Variants in PDPR observed in about 807,000 individuals in gnomAD.
PDPR encodes pyruvate dehydrogenase phosphatase regulatory subunit, mitochondrial.
In PDPR, 50 loss-of-function variants were observed where a neutral mutation model predicts 102.2. That is an observed-to-expected ratio of 0.49 (90% CI 0.39 to 0.62). The LOEUF (loss-of-function observed/expected upper bound fraction) is 0.62, where lower values mean the gene tolerates loss of function less well. PDPR is among the 20% of genes least tolerant of loss of function. The probability of loss-of-function intolerance (pLI) is 0.00; values close to 1 mark genes in which losing one functional copy is unlikely to be tolerated. For synonymous variants in PDPR, 259 were observed against 406.0 expected, an observed-to-expected ratio of 0.64 and a Z score of 4.35; for missense variants, 625 against 1,098.2, an observed-to-expected ratio of 0.57 and a Z score of 6.09.
chr16:70,156,608 A>G lies in PDPR; in HGVS notation c.2369A>G (p.Tyr790Cys), dbSNP rs1012324763. The stretch of plus-strand genomic sequence containing the variant: ...TGGCCTTGGTGGGGAGAGCCCATTT[A>G]CCGGAATGGGCAGTATGTTGGCAAG... ...DLWPWWGEPI[Y>C]RNGQYVGKTT... is the part of the protein sequence containing the mutation. Residue 790 changes from tyrosine to cysteine, a missense_variant, in exon 19 of 19, where the codon TAC (tyrosine) becomes TGC (cysteine). Physicochemically the swap from Tyr to Cys is radical, Grantham distance 194. Coordinates refer to ENST00000288050, the MANE Select transcript of PDPR (RefSeq NM_017990.5). 22 of 1,613,960 alleles carry G rather than the reference A, an allele frequency of 1.4e-5. No homozygotes were observed. The highest frequency in any genetic ancestry group is 1.8e-5 in the Non-Finnish European group (21 of 1,179,906).
chr16:70,133,111 C>CTTTTT (rs140652740), intron 9 of PDPR, among the ~76,000 whole-genome samples: 21,489 of 96,870 alleles, frequency 0.22, 1,222 homozygotes, highest in East Asian at 0.34. Context: ...TACCCAGCTG[C>CTTTTT]TTTTTTTTTT....
Position 70,146,229 on chromosome 16 carries a change from G to A in PDPR, c.1962+1G>A. 1 of 1,613,862 alleles carries A rather than the reference G, an allele frequency of 6.2e-7. No homozygotes were observed. ...CCACTTCCCAAGCCTCTTTTGCAAG[G>A]TAAGTGCTGATAAAGTTCTGTTTCT... On this transcript the variant is annotated splice_donor_variant, in intron 16 of 18. Coordinates refer to ENST00000288050, the MANE Select transcript of PDPR (RefSeq NM_017990.5). LOFTEE classifies it high-confidence loss of function.
intron 2 of PDPR, among the ~76,000 whole-genome samples, chr16:70,115,999 TCTTTTC>T: frequency 6.6e-6 from 1 of 151,450 alleles, no homozygotes; most frequent in African/African-American, 2.4e-5. Flanking sequence ...CTTAAGCCCT[TCTTTTC>T]CTCTGCCCTC....
rs542701190 is a variant in PDPR, at chr16:70,144,699, G to A, written c.1867+166G>A. Among the ~76,000 whole-genome samples, 11 of 152,398 alleles carry A rather than the reference G, an allele frequency of 7.2e-5. No homozygotes were observed. In the East Asian group the frequency reaches 1.7e-3, roughly 24 times the overall value. On this transcript the variant is annotated intron_variant, in intron 15 of 18. Coordinates refer to ENST00000288050, the MANE Select transcript of PDPR (RefSeq NM_017990.5). ...CTAGGGGATGCGGTGGCTGACACCT[G>A]TAATCCCAGCACTTTTGGAGGCCGA...
chr16:70,143,860 T>C (rs1455078784), intron 14 of PDPR, among the ~76,000 whole-genome samples: 1 of 151,644 alleles, frequency 6.6e-6, no homozygotes, highest in East Asian at 1.9e-4. Flanking sequence ...CACCAGATTA[T>C]GTACCCTACT....
rs965540048 is a variant in PDPR at position 70,157,383 on chromosome 16, C to G, written c.*504C>G. On this transcript the variant is annotated 3_prime_UTR_variant, in exon 19 of 19. Transcript: ENST00000288050. Reference sequence around the variant, plus strand: ...CAGCCCGGCAGCTCGTTCTCCTGTTCTGCTGTGCTGTGGGCTGGCACTCGA... The same window carrying G: ...CAGCCCGGCAGCTCGTTCTCCTGTTGTGCTGTGCTGTGGGCTGGCACTCGA... 8.2e-6 allele frequency: 3 copies of G among 366,808 alleles called. No homozygotes were observed. Among genetic ancestry groups the G allele is most frequent in the Non-Finnish European group, 1.1e-5 (2 of 187,420 alleles). 22.7% of individuals were successfully genotyped at this position (366,808 alleles called of 1,614,324 possible). A position where few individuals can be genotyped will look rare whatever the true frequency, so the allele number is the denominator to read the frequency against.
At chr16:70,142,736 T>A (rs1207046284) in intron 13 of PDPR, 50 bp downstream of exon 13, 2 of 1,610,916 alleles carry the variant, frequency 1.2e-6, no homozygotes, top group South Asian at 2.2e-5. Flanking sequence ...TTTACATATT[T>A]ATTGAATGCC....
intron 10 of PDPR, among the ~76,000 whole-genome samples, chr16:70,136,604 C>T (rs1245974020): frequency 6.6e-6 from 1 of 152,170 alleles, no homozygotes; most frequent in Non-Finnish European, 1.5e-5. Flanking sequence ...TTTTGCAACT[C>T]ATCTTTTGGA....
chr16:70,132,647 CT>C (rs1285654059), intron 9 of PDPR, among the ~76,000 whole-genome samples: 20 of 131,202 alleles, frequency 1.5e-4, no homozygotes, highest in Admixed American at 8.3e-4. Context: ...GGTCTCATAG[CT>C]TTTTTTTTTT....
At chr16:70,163,067 G>C (rs1248037757), downstream of PDPR, among the ~76,000 whole-genome samples, 1 of 152,266 alleles carries the variant, frequency 6.6e-6, no homozygotes, top group Admixed American at 6.5e-5. Context: ...TCCTGCCTTA[G>C]CCTCCAGAGT....
chr16:70,125,575 G>GTGTA (rs1963873527), intron 3 of PDPR, among the ~76,000 whole-genome samples: 1 of 136,102 alleles, frequency 7.3e-6, no homozygotes, highest in Admixed American at 7.8e-5. Context: ...AAAAAAAAAA[G>GTGTA]TATATATATA....
rs1159634162 is a variant in PDPR, at chr16:70,114,363, A to G, written c.-220A>G. ...GAACCCCGCTTTCCGGCCCGCGGCG[A>G]CCCCAGGCAACTGTTGTGGCTGCCG... On this transcript the variant is annotated 5_prime_UTR_variant, in exon 1 of 19. Transcript: ENST00000288050. 2.0e-5 allele frequency: 3 copies of G among 151,762 alleles called. No individual in the cohort carries two copies. Among genetic ancestry groups the G allele is most frequent in the Non-Finnish European group, 2.9e-5 (2 of 67,986 alleles). The allele number at this position is 151,762 out of a possible 1,614,324, so 9.4% of individuals were successfully genotyped here.
chr16:70,154,987 T>A (rs1453901646), intron 18 of PDPR, among the ~76,000 whole-genome samples: 1 of 152,162 alleles, frequency 6.6e-6, no homozygotes, highest in Non-Finnish European at 1.5e-5. Flanking sequence ...AGTTCACAAG[T>A]TCGAGACCAG....
intron 15 of PDPR, among the ~76,000 whole-genome samples, chr16:70,144,835 A>G (rs928468557): frequency 1.3e-5 from 2 of 152,142 alleles, no homozygotes; most frequent in African/African-American, 4.8e-5. Flanking sequence ...CACACCTGTA[A>G]TCCCAGCTAC....
chr16:70,134,737 G>A (rs1964922800), intron 9 of PDPR, among the ~76,000 whole-genome samples: 1 of 150,086 alleles, frequency 6.7e-6, no homozygotes, highest in Non-Finnish European at 1.5e-5. Flanking sequence ...AGTGGGCTGA[G>A]ATCGCACCAC....
intron 3 of PDPR, among the ~76,000 whole-genome samples, chr16:70,126,504 C>T (rs1281914768): frequency 1.3e-5 from 2 of 152,248 alleles, no homozygotes; most frequent in Admixed American, 6.5e-5. Context: ...GCTGGGACTA[C>T]AGGCGCCTGC....
At chr16:70,142,921 A>C (rs1965879026) in intron 13 of PDPR, among the ~76,000 whole-genome samples, 1 of 152,162 alleles carries the variant, frequency 6.6e-6, no homozygotes, top group African/African-American at 2.4e-5. Context: ...TAAGGCCAGG[A>C]GTGGTGGCTC....
chr16:70,129,752 G>A (rs1964348186), intron 6 of PDPR, among the ~76,000 whole-genome samples: 1 of 152,276 alleles, frequency 6.6e-6, no homozygotes, highest in Non-Finnish European at 1.5e-5. Flanking sequence ...GAAATCATGA[G>A]CCCAGTTGCA....
In PDPR at chr16:70,143,617, G is replaced by A. The variant is rs778954065; in HGVS notation, c.1713G>A (p.Gly571=). 1 of 1,613,296 alleles carries A rather than the reference G, an allele frequency of 6.2e-7. No homozygotes were observed. Among genetic ancestry groups the A allele is most frequent in the East Asian group, 2.2e-5 (1 of 44,888 alleles). ...CTGGCATGCTCAACGAGGGTGGAGG[G>A]TATGAAAATGACTGCAGCATAGCAC... The part of the protein sequence containing the change: ...VHTGMLNEGG[G]YENDCSIARL... The change falls in exon 14 of 19, where the codon GGG becomes GGA. Residue 571 remains glycine, a synonymous_variant. Transcript: ENST00000288050.
Sources: gnomAD v4.1 joint callset for allele counts (sites outside exome capture counted in the v4.1 genomes callset) on GRCh38, gnomAD v4.1.1 for gene constraint, MANE v1.5 for transcripts, NCBI Gene and HGNC (gene_info 2026-07-23, HGNC 2026-07-21) for gene names.